The following ZNF500 variants were observed in gnomAD, a reference collection of about 807,000 sequenced individuals.
The protein encoded by ZNF500 is zinc finger protein with KRAB and SCAN domains 18.
In ZNF500, 31 loss-of-function variants were observed where a neutral mutation model predicts 30.1. The observed-to-expected ratio is 1.03, with a 90% CI of 0.77 to 1.39. ZNF500 has a LOEUF of 1.39. ZNF500 is among the 40% of genes most tolerant of loss of function. The probability of loss-of-function intolerance (pLI) is 0.00; values close to 1 mark genes in which losing one functional copy is unlikely to be tolerated. For synonymous variants in ZNF500, 392 were observed against 282.0 expected, an observed-to-expected ratio of 1.39 and a Z score of -3.91; for missense variants, 817 against 657.8, an observed-to-expected ratio of 1.24 and a Z score of -2.65.
chr16:4,761,050 G>A (rs2082193187), intron 4 of ZNF500, among the ~76,000 whole-genome samples: 1 of 152,174 alleles, frequency 6.6e-6, no homozygotes, highest in Admixed American at 6.6e-5. Context: ...CAAATTCACA[G>A]AGACAAGAAG....
chr16:4,758,396 G>A (rs796561427), intron 5 of ZNF500: 1 of 152,170 alleles, frequency 6.6e-6, no homozygotes, highest in Non-Finnish European at 1.5e-5. Context: ...AGGATTCCAC[G>A]TAACCACTTG....
intron 2 of ZNF500, chr16:4,764,191 C>T (rs1242016701): frequency 3.1e-6 from 2 of 646,472 alleles, no homozygotes; most frequent in Non-Finnish European, 3.8e-6. Flanking sequence ...GACGACTGAG[C>T]CCTTGAGAGG....
intron 1 of ZNF500, among the ~76,000 whole-genome samples, chr16:4,766,718 G>A (rs541856737): frequency 6.6e-6 from 1 of 152,324 alleles, no homozygotes; most frequent in Non-Finnish European, 1.5e-5. Flanking sequence ...TTGGAAATCT[G>A]ATGAAAAGTA....
rs747719535 is a variant in ZNF500 at position 4,752,862 on chromosome 16, A to G, written c.957T>C (p.His319=). The change falls in exon 6 of 6, where the codon CAT becomes CAC. Residue 319 remains histidine (H), a synonymous_variant. Transcript: ENST00000219478. The part of the protein sequence containing the change: ...GGPPPGRRAS[H]GADKPYTCPE... ...GGCAGGTGTACGGCTTGTCAGCCCC[A>G]TGGGAAGCCCGTCTTCCTGGTGGGG... is the stretch of plus-strand genomic sequence containing the variant. 6 of 1,613,938 alleles carry G rather than the reference A, an allele frequency of 3.7e-6. No homozygotes were observed. The highest frequency in any genetic ancestry group is 5.1e-6 in the Non-Finnish European group (6 of 1,179,972).
Position 4,752,979 on chromosome 16 carries a change from C to T in ZNF500, c.840G>A (p.Ser280=), listed in dbSNP as rs139128774. The T allele has an allele frequency of 8.7e-6, 14 of 1,603,494 alleles. No homozygotes were observed. The highest frequency in any genetic ancestry group is 6.6e-5 in the South Asian group (6 of 90,650). Residue 280 remains serine, a synonymous_variant, in exon 6 of 6, where the codon TCG becomes TCA. Transcript: ENST00000219478. ...PLRMEWYRVL[S]ARCQGPGHPL... is the part of the protein sequence containing the mutation. ...GGTGGCCAGGCCCCTGGCATCGTGC[C>T]GAGAGCACTCGGTACCACTCCATTC...
At chr16:4,764,455 G>A (rs1307933344) in intron 2 of ZNF500, among the ~76,000 whole-genome samples, 1 of 151,832 alleles carries the variant, frequency 6.6e-6, no homozygotes, top group Non-Finnish European at 1.5e-5. Context: ...CAGCCTGGGC[G>A]ACAGAGAGAG....
At chr16:4,744,590 G>C (rs1273345297), downstream of ZNF500, among the ~76,000 whole-genome samples, 1 of 151,540 alleles carries the variant, frequency 6.6e-6, no homozygotes, top group Non-Finnish European at 1.5e-5. Context: ...AAGTGGGACC[G>C]GGGTGTGAGG....
intron 2 of ZNF500, chr16:4,764,031 T>G (rs2082235855): frequency 1.0e-6 from 1 of 985,248 alleles, no homozygotes; most frequent in African/African-American, 1.7e-5. Flanking sequence ...GTTCCACAAC[T>G]GAAACTGAAG....
At position 4,767,033 on chromosome 16, in the gene ZNF500, C is replaced by G. The variant is rs1336902116; in HGVS notation, c.-115G>C. On this transcript the variant is annotated 5_prime_UTR_variant, in exon 1 of 6. Coordinates refer to ENST00000219478, the MANE Select transcript of ZNF500 (RefSeq NM_021646.4). ...CGCACTCACTGGAAGCGCTGCCGGC[C>G]GTGGGCAGTTCGGGGCAGGACCGGA... 1.3e-5 allele frequency: 2 copies of G among 152,320 alleles called. No homozygotes were observed. The highest frequency in any genetic ancestry group is 4.8e-5 in the African/African-American group (2 of 41,468). 9.4% of individuals were successfully genotyped at this position (152,320 alleles called of 1,614,324 possible).
chr16:4,759,170 G>A (rs1394674916), intron 5 of ZNF500, among the ~76,000 whole-genome samples: 1 of 150,872 alleles, frequency 6.6e-6, no homozygotes, highest in African/African-American at 2.4e-5. Context: ...AGCTGAGATC[G>A]TGCCACTCCA....
rs2082095964 is a variant in ZNF500 at position 4,752,707 on chromosome 16, T to C, written c.1112A>G (p.His371Arg). Residue 371 changes from histidine (H) to arginine (R), a missense_variant, in exon 6 of 6, where the codon CAC becomes CGC. Transcript: ENST00000219478. ...CTTCTCGCCTGTGTGCACCCTCTGGTGCGTGCTGAAGTTGGAGCGGTCGCT... is the reference window on the plus strand; with the variant it reads ...CTTCTCGCCTGTGTGCACCCTCTGGCGCGTGCTGAAGTTGGAGCGGTCGCT... ...GFSDRSNFST[H>R]QRVHTGEKPY... 6.2e-7 allele frequency: 1 copy of C among 1,614,024 alleles called. No homozygotes were observed. The highest frequency in any genetic ancestry group is 1.1e-5 in the South Asian group (1 of 91,086).
In ZNF500 at chr16:4,748,591, GACAAGCCTGGTC is replaced by G. The variant is rs1011865311; in HGVS notation, c.*3773_*3784del. 1 of 152,288 alleles carries G rather than the reference GACAAGCCTGGTC, an allele frequency of 6.6e-6. No individual in the cohort carries two copies. Among genetic ancestry groups the G allele is most frequent in the African/African-American group, 2.4e-5 (1 of 41,448 alleles). The allele number at this position is 152,288 out of a possible 1,614,324, so 9.4% of individuals were successfully genotyped here. ...CTGCCAAGACCCGGCCCCTCCACAG[GACAAGCCTGGTC>G]TTCCTGGGTCCTGTTCCTTTGCCAG... On this transcript the variant is annotated 3_prime_UTR_variant, in exon 6 of 6. Coordinates refer to ENST00000219478, the MANE Select transcript of ZNF500 (RefSeq NM_021646.4).
intron 2 of ZNF500, chr16:4,763,520 A>G (rs1347467526): frequency 1.0e-6 from 1 of 984,472 alleles, no homozygotes; most frequent in East Asian, 1.1e-4. Context: ...TGAGCTCTGC[A>G]ATAGCACTTG....
At position 4,751,948 on chromosome 16, in the gene ZNF500, G is replaced by T. The variant is rs1297258459; in HGVS notation, c.*428C>A. ...GGGGAGCAGGTGGGGGGTACACACA[G>T]AGACAGCGCACAGGGTCACAGACAC... On this transcript the variant is annotated 3_prime_UTR_variant, in exon 6 of 6. Transcript: ENST00000219478. 5.7e-6 allele frequency: 4 copies of T among 700,304 alleles called. No homozygotes were observed. Among genetic ancestry groups the T allele is most frequent in the Non-Finnish European group, 8.4e-6 (4 of 476,686 alleles). The allele number at this position is 700,304 out of a possible 1,614,324, so 43.4% of individuals were successfully genotyped here. A position where few individuals can be genotyped will look rare whatever the true frequency, so the allele number is the denominator to read the frequency against.
chr16:4,759,864 A>G (rs571575164), intron 5 of ZNF500, among the ~76,000 whole-genome samples: 2 of 152,226 alleles, frequency 1.3e-5, no homozygotes, highest in Non-Finnish European at 2.9e-5. Context: ...TGGTGATGAA[A>G]CCCATCTCTA....
At chr16:4,753,192 G>A (rs2082103764) in intron 5 of ZNF500, 134 bp from the exon 6 acceptor site, 9 of 1,409,328 alleles carry the variant, frequency 6.4e-6, no homozygotes, top group South Asian at 3.4e-5. Flanking sequence ...TGGGCACTGT[G>A]GCTCACGCCT....
chr16:4,765,833 A>G lies in ZNF500; in HGVS notation c.146T>C (p.Phe49Ser), dbSNP rs776650129. The G allele has an allele frequency of 1.7e-5, 28 of 1,613,532 alleles. No homozygotes were observed. Among genetic ancestry groups the G allele is most frequent in the South Asian group, 8.8e-5 (8 of 91,088 alleles). The change falls in exon 2 of 6, where the codon TTC becomes TCC. Residue 49 changes from phenylalanine to serine, a missense_variant. Physicochemically the swap from Phe to Ser is radical, Grantham distance 155. Transcript: ENST00000219478. ...GCAGAAGAGCCGGAAGAGCTGGCGG[A>G]AAGTCTCAGGGCTGGGGTCCTCCGT... The part of the protein sequence containing the change: ...VETEDPSPET[F>S]RQLFRLFCYQ...
In ZNF500 at chr16:4,762,186, G is replaced by A. The variant is rs1361883719; in HGVS notation, c.663+85C>T. Reference sequence around the variant, plus strand: ...ACATCCAAAACCTTGGCCCCCAGGAGAGGTGTCCCCTTAACAAGGAAGTGT... The same window carrying A: ...ACATCCAAAACCTTGGCCCCCAGGAAAGGTGTCCCCTTAACAAGGAAGTGT... On this transcript the variant is annotated intron_variant, in intron 4 of 5. Coordinates refer to ENST00000219478, the MANE Select transcript of ZNF500 (RefSeq NM_021646.4). 5.5e-6 allele frequency: 8 copies of A among 1,462,176 alleles called. No homozygotes were observed. In the East Asian group the frequency reaches 1.5e-4, roughly 27 times the overall value. The allele number at this position is 1,462,176 out of a possible 1,614,324, so 90.6% of individuals were successfully genotyped here. A position where few individuals can be genotyped will look rare whatever the true frequency, so the allele number is the denominator to read the frequency against.
In ZNF500 at chr16:4,760,605, C is replaced by T; in HGVS notation, c.664-17G>A. 6 of 1,611,674 alleles carry T rather than the reference C, an allele frequency of 3.7e-6. No homozygotes were observed. The highest frequency in any genetic ancestry group is 4.2e-6 in the Non-Finnish European group (5 of 1,178,420). The stretch of plus-strand genomic sequence containing the variant: ...CACGGGCACCTGCCAGAACGCACCC[C>T]ACTCAGTCCTGGCCCCAAGCAAGCT... On this transcript the variant is annotated splice_polypyrimidine_tract_variant and intron_variant, in intron 4 of 5. Coordinates refer to ENST00000219478, the MANE Select transcript of ZNF500 (RefSeq NM_021646.4).
Sources: gnomAD v4.1 joint callset for allele counts (sites outside exome capture counted in the v4.1 genomes callset) on GRCh38, gnomAD v4.1.1 for gene constraint, MANE v1.5 for transcripts, NCBI Gene and HGNC (gene_info 2026-07-23, HGNC 2026-07-21) for gene names.